The following ANTXRL variants were observed in gnomAD, a reference collection of about 807,000 sequenced individuals.
ANTXRL encodes the protein ANTXR like.
Under a neutral mutation model 75.4 loss-of-function variants are expected in ANTXRL, and 63 were observed. The observed-to-expected ratio is 0.84, with a 90% CI of 0.68 to 1.03. The LOEUF is 1.03. Ranked by LOEUF, ANTXRL falls within the 50% of genes least tolerant of loss-of-function variation. ANTXRL has a pLI of 0.00. For synonymous variants in ANTXRL, 335 were observed against 291.3 expected (o/e 1.15, Z -1.53); for missense variants, 797 against 789.4 (o/e 1.01, Z -0.12).
intron 2 of ANTXRL, among the ~76,000 whole-genome samples, chr10:46,292,509 G>A (rs1477898903): frequency 4.6e-5 from 7 of 152,166 alleles, no homozygotes; most frequent in Admixed American, 1.3e-4. Context: ...GAACTCCTAA[G>A]GACAAAGTCA....
chr10:46,329,779 A>T lies in ANTXRL; in HGVS notation c.1591A>T (p.Asn531Tyr). 3.3e-6 allele frequency: 5 copies of T among 1,533,310 alleles called. No homozygotes were observed. Among genetic ancestry groups the T allele is most frequent in the Non-Finnish European group, 4.4e-6 (5 of 1,146,294 alleles). 95.0% of individuals were successfully genotyped at this position (1,533,310 alleles called of 1,614,324 possible). ...CCTCAAACAGGCTCGCTGCAGCCCA[A>T]ACATCTGCCTGAGACACAGCCAACA... ...LALKQARCSPNICLRHSQHSR... is the reference protein window; with the variant it reads ...LALKQARCSPYICLRHSQHSR... The change falls in exon 17 of 17, where the codon AAC becomes TAC. Residue 531 changes from asparagine (N) to tyrosine (Y), a missense_variant. Physicochemically the swap from Asn to Tyr is moderately radical, Grantham distance 143. This residue lies in a region of ANTXRL where 479 missense variants were observed against 422.0 expected (regional missense o/e 1.14). Transcript: ENST00000620264.
In ANTXRL at chr10:46,329,919, T is replaced by C; in HGVS notation, c.1731T>C (p.Leu577=). 6.5e-7 allele frequency: 1 copy of C among 1,535,534 alleles called. No homozygotes were observed. The change falls in exon 17 of 17, where the codon CTT becomes CTC. Residue 577 remains leucine (L), a synonymous_variant. Coordinates refer to ENST00000620264, the MANE Select transcript of ANTXRL (RefSeq NM_001278688.3). ...CTCTGTGCAACCCAAAGAGCTGCCT[T>C]CAACCCAGCCGGGAGTGCCTCCCCC... ...AQTLCNPKSC[L]QPSRECLPLT...
intron 16 of ANTXRL, among the ~76,000 whole-genome samples, chr10:46,324,817 G>A (rs1020484895): frequency 2.0e-5 from 3 of 152,094 alleles, no homozygotes; most frequent in Non-Finnish European, 4.4e-5. Flanking sequence ...GAAACTCTAC[G>A]ATTGCTTCTC....
Position 46,311,980 on chromosome 10 carries a change from G to A in ANTXRL, c.1329+315G>A, listed in dbSNP as rs180902186. Among the ~76,000 whole-genome samples, 41 of 147,142 alleles carry A rather than the reference G, an allele frequency of 2.8e-4. 7 individuals carry two copies. The highest frequency in any genetic ancestry group is 5.0e-4 in the Non-Finnish European group (33 of 65,782). On this transcript the variant is annotated intron_variant, in intron 15 of 16. Transcript: ENST00000620264. ...TGACCAGTCCCTGGTTCCCACAGGG[G>A]TGCCTCAGCTCTGGCAGTGGCCCCT...
In ANTXRL at chr10:46,292,121, G is replaced by T; in HGVS notation, c.312G>T (p.Arg104Ser). Residue 104 changes from arginine (R) to serine (S), a missense_variant, in exon 2 of 17, where the codon AGG becomes AGT. Physicochemically the swap from Arg to Ser is moderately radical, Grantham distance 110. Coordinates refer to ENST00000620264, the MANE Select transcript of ANTXRL (RefSeq NM_001278688.3). ...TGTGGGTGGAGGAAACAGTGGCGAG[G>T]TTCCAAAGGTACAGATCTCTGCATG... is the stretch of plus-strand genomic sequence containing the variant. ...LYMWVEETVA[R>S]FQSPNIRMCF... is the part of the protein sequence containing the mutation. 2.0e-6 allele frequency: 3 copies of T among 1,536,188 alleles called. No individual in the cohort carries two copies. In the South Asian group the frequency reaches 3.6e-5, roughly 18 times the overall value.
intron 16 of ANTXRL, among the ~76,000 whole-genome samples, chr10:46,327,135 G>A (rs549705416): frequency 6.6e-6 from 1 of 152,232 alleles, no homozygotes; most frequent in East Asian, 1.9e-4. Context: ...GAGGTGAGGA[G>A]CAGAGCCCTC....
chr10:46,323,288 C>T (rs1839064161), intron 16 of ANTXRL, among the ~76,000 whole-genome samples: 1 of 151,842 alleles, frequency 6.6e-6, no homozygotes, highest in South Asian at 2.1e-4. Flanking sequence ...GACCTATGAA[C>T]AAAAAAATAA....
intron 16 of ANTXRL, among the ~76,000 whole-genome samples, chr10:46,324,226 G>A (rs564701027): frequency 6.6e-6 from 1 of 152,272 alleles, no homozygotes; most frequent in Non-Finnish European, 1.5e-5. Flanking sequence ...GGGTTATTAA[G>A]TACTGAGGCA....
At chr10:46,322,286 A>G (rs1267840834) in intron 16 of ANTXRL, among the ~76,000 whole-genome samples, 1 of 151,958 alleles carries the variant, frequency 6.6e-6, no homozygotes, top group Non-Finnish European at 1.5e-5. Context: ...GTGAAACCCC[A>G]TCTCCATTAA....
chr10:46,308,597 G>C (rs1351839824), intron 12 of ANTXRL: 3 of 375,698 alleles, frequency 8.0e-6, no homozygotes, highest in Admixed American at 3.2e-5. Context: ...CCCTGGTTCT[G>C]AGCCAGGACT....
At chr10:46,314,993 G>A (rs1357758196) in intron 16 of ANTXRL, among the ~76,000 whole-genome samples, 4 of 152,204 alleles carry the variant, frequency 2.6e-5, no homozygotes, top group Non-Finnish European at 5.9e-5. Context: ...ACACCCGACT[G>A]AGTGTCTTGT....
Position 46,309,158 on chromosome 10 carries a change from G to T in ANTXRL, c.1090G>T (p.Val364Leu), listed in dbSNP as rs1554962745. ...CTATTTTGTGCCACTCCTGCTGCTTGTGCCACTGCTGCTGTGTTGTGTCTG... is the reference window on the plus strand; with the variant it reads ...CTATTTTGTGCCACTCCTGCTGCTTTTGCCACTGCTGCTGTGTTGTGTCTG... ...WLYFVPLLLL[V>L]PLLLCCVWRL... The change falls in exon 13 of 17, where the codon GTG becomes TTG. Residue 364 changes from valine to leucine, a missense_variant. Val to Leu is a conservative substitution (Grantham distance 32, BLOSUM62 1). Around this residue, in one of 3 missense-constraint regions of ANTXRL, gnomAD observed 479 missense variants for 422.0 expected, o/e 1.14. Transcript: ENST00000620264. The T allele has an allele frequency of 6.5e-7, 1 of 1,535,818 alleles. No individual in the cohort carries two copies. Among genetic ancestry groups the T allele is most frequent in the Non-Finnish European group, 8.7e-7 (1 of 1,146,716 alleles).
rs1554962756 is a variant in ANTXRL at position 46,309,175 on chromosome 10, T to C, written c.1107T>C (p.Cys369=). The C allele has an allele frequency of 6.5e-7, 1 of 1,535,812 alleles. No homozygotes were observed. Among genetic ancestry groups the C allele is most frequent in the South Asian group, 1.2e-5 (1 of 84,050 alleles). The change falls in exon 13 of 17, where the codon TGT becomes TGC. Residue 369 remains cysteine (C), a synonymous_variant. Transcript: ENST00000620264. ...PLLLLVPLLL[C]CVWRLCRKQT... ...TGCTGCTTGTGCCACTGCTGCTGTGTTGTGTCTGGCGGCTGTGCCGCAAGC... is the reference window on the plus strand; with the variant it reads ...TGCTGCTTGTGCCACTGCTGCTGTGCTGTGTCTGGCGGCTGTGCCGCAAGC...
Position 46,306,424 on chromosome 10 carries a change from A to C in ANTXRL, c.896-379A>C, listed in dbSNP as rs563634240. Among the ~76,000 whole-genome samples, 6 of 152,276 alleles carry C rather than the reference A, an allele frequency of 3.9e-5. No homozygotes were observed. In the South Asian group the frequency reaches 1.2e-3, roughly 32 times the overall value. On this transcript the variant is annotated intron_variant, in intron 10 of 16. Transcript: ENST00000620264. Reference sequence around the variant, plus strand: ...AGACCAGAAATTGTGGCTCTACAAGATAGGAGAAGTCATGCATAATGAAGC... The same window carrying C: ...AGACCAGAAATTGTGGCTCTACAAGCTAGGAGAAGTCATGCATAATGAAGC...
At chr10:46,322,000 C>A (rs980888197) in intron 16 of ANTXRL, among the ~76,000 whole-genome samples, 2 of 152,086 alleles carry the variant, frequency 1.3e-5, no homozygotes, top group Non-Finnish European at 2.9e-5. Flanking sequence ...ATCTTAAGTG[C>A]TTTATAACTT....
At chr10:46,300,652 A>T (rs1837671049) in intron 9 of ANTXRL, among the ~76,000 whole-genome samples, 1 of 152,056 alleles carries the variant, frequency 6.6e-6, no homozygotes, top group Admixed American at 6.5e-5. Flanking sequence ...CTCACCTTGA[A>T]GGGCCGAGCC....
rs1836800037 is a variant in ANTXRL at position 46,287,238 on chromosome 10, G to A, written c.-25G>A. 1 of 1,534,008 alleles carries A rather than the reference G, an allele frequency of 6.5e-7. No homozygotes were observed. On this transcript the variant is annotated 5_prime_UTR_variant, in exon 1 of 17. It adds an upstream start codon to the 5' untranslated region. Transcript: ENST00000620264. ...CCTGGCACAGGCACCCAAGAGTGAG[G>A]TGGGGTCACAGGGACAGCCAGATAA...
chr10:46,310,250 AC>A (rs1385129377), intron 13 of ANTXRL, among the ~76,000 whole-genome samples: 2 of 152,108 alleles, frequency 1.3e-5, no homozygotes, highest in East Asian at 3.9e-4. Flanking sequence ...CAGCGGCGGT[AC>A]AGGGGTTCCC....
Position 46,329,687 on chromosome 10 carries a change from G to T in ANTXRL, c.1499G>T (p.Cys500Phe). The T allele has an allele frequency of 6.5e-7, 1 of 1,535,758 alleles. No homozygotes were observed. The highest frequency in any genetic ancestry group is 1.2e-5 in the South Asian group (1 of 84,012). The change falls in exon 17 of 17, where the codon TGC (cysteine) becomes TTC (phenylalanine). Residue 500 changes from cysteine to phenylalanine, a missense_variant. This residue lies in a region of ANTXRL where 479 missense variants were observed against 422.0 expected (regional missense o/e 1.14). Transcript: ENST00000620264. ...ATCTGCTTTCCACACAGCCAGGAGT[G>T]CCTTTCCCTACCACAGGCTCCCTGC... ...PRICFPHSQE[C>F]LSLPQAPCSP...
Sources: allele counts gnomAD v4.1 joint callset (sites outside exome capture counted in the v4.1 genomes callset), GRCh38; gene constraint gnomAD v4.1.1; regional missense constraint gnomAD v4.1.1; transcripts MANE v1.5; gene names NCBI Gene and HGNC (gene_info 2026-07-23, HGNC 2026-07-21).